DENND1B: variants seen among roughly 807,000 people sequenced by gnomAD.
DENND1B encodes DENN domain-containing protein 1B.
In DENND1B, 59 loss-of-function variants were observed where a neutral mutation model predicts 90.1. The observed-to-expected ratio is 0.65, with a 90% CI of 0.53 to 0.81. The LOEUF (loss-of-function observed/expected upper bound fraction) is 0.81. DENND1B is among the 40% of genes least tolerant of loss of function. The pLI, the probability that DENND1B is intolerant of heterozygous loss-of-function variation, is 0.00. For missense variants in DENND1B, 862 were observed against 912.6 expected, an observed-to-expected ratio of 0.94 and a Z score of 0.71; for synonymous variants, 337 against 324.6, an observed-to-expected ratio of 1.04 and a Z score of -0.41.
intron 2 of DENND1B, among the ~76,000 whole-genome samples, chr1:197,757,900 T>C (rs542390284): frequency 6.6e-6 from 1 of 152,360 alleles, no homozygotes; most frequent in African/African-American, 2.4e-5. Context: ...ACTTTTGTAA[T>C]ATTATCCTTA....
chr1:197,537,506 T>G (rs1669999323), intron 20 of DENND1B, among the ~76,000 whole-genome samples: 1 of 152,090 alleles, frequency 6.6e-6, no homozygotes, highest in Non-Finnish European at 1.5e-5. Flanking sequence ...AGGACTATAG[T>G]TAATAATATT....
In DENND1B at chr1:197,735,741, T is replaced by G. The variant is rs374768180; in HGVS notation, c.83-20667A>C. ...AGTTTTCCAGTTTCTTAATGCAAAA[T>G]GCGAATCGGCGTACTTTTCCAGGGG... On this transcript the variant is annotated intron_variant, in intron 2 of 22. Transcript: ENST00000620048. 6.8e-6 allele frequency: 11 copies of G among 1,612,830 alleles called. No homozygotes were observed. The African/African-American group carries it at 8.0e-5, about 12-fold the overall frequency.
chr1:197,690,226 GC>G (rs1441853369), intron 3 of DENND1B: 2 of 285,876 alleles, frequency 7.0e-6, no homozygotes, highest in Non-Finnish European at 1.4e-5. Context: ...ACTCGTCATG[GC>G]AATGTTGCTG....
intron 2 of DENND1B, among the ~76,000 whole-genome samples, chr1:197,738,917 C>A (rs1026673420): frequency 4.6e-5 from 7 of 152,174 alleles, no homozygotes; most frequent in Non-Finnish European, 7.4e-5. Flanking sequence ...CCAGGCAGAG[C>A]CCAGTGGTCT....
intron 21 of DENND1B, 44 bp from the exon 22 acceptor site, chr1:197,511,988 T>A: frequency 6.9e-7 from 1 of 1,452,306 alleles, no homozygotes; most frequent in East Asian, 2.3e-5. Context: ...ATAACCATAT[T>A]TGCTGCATGT....
intron 14 of DENND1B, among the ~76,000 whole-genome samples, chr1:197,588,356 G>C (rs546058986): frequency 1.4e-4 from 22 of 152,172 alleles, no homozygotes; most frequent in Non-Finnish European, 2.4e-4. Flanking sequence ...ATTGTACCGG[G>C]AGTAGAAAAC....
At chr1:197,736,715 T>A (rs969688040) in intron 2 of DENND1B, among the ~76,000 whole-genome samples, 5 of 152,208 alleles carry the variant, frequency 3.3e-5, no homozygotes, top group African/African-American at 1.2e-4. Context: ...GATAAATTTG[T>A]TACTGTAACC....
At chr1:197,661,746 AC>A (rs1329316937) in intron 5 of DENND1B, among the ~76,000 whole-genome samples, 1 of 152,016 alleles carries the variant, frequency 6.6e-6, no homozygotes, top group Non-Finnish European at 1.5e-5. Context: ...TAGACCAAAA[AC>A]CCTTAACATT....
chr1:197,773,058 A>C, intron 1 of DENND1B, 126 bp from the exon 2 acceptor site: 1 of 773,336 alleles, frequency 1.3e-6, no homozygotes, highest in South Asian at 1.5e-5. Context: ...GTATTACTAC[A>C]GTATAGTAGA....
chr1:197,571,032 T>C (rs1188203529), intron 15 of DENND1B, among the ~76,000 whole-genome samples: 1 of 151,280 alleles, frequency 6.6e-6, no homozygotes. Context: ...CTTATTTCTC[T>C]CTACTCTAAC....
chr1:197,562,565 C>T (rs543940129), intron 15 of DENND1B, among the ~76,000 whole-genome samples: 1 of 151,980 alleles, frequency 6.6e-6, no homozygotes, highest in Non-Finnish European at 1.5e-5. Context: ...GAACCACCCC[C>T]ACATAAGTCA....
At chr1:197,592,547 A>G (rs1675329379) in intron 14 of DENND1B, among the ~76,000 whole-genome samples, 1 of 152,226 alleles carries the variant, frequency 6.6e-6, no homozygotes, top group Admixed American at 6.5e-5. Flanking sequence ...TACAGCTTCC[A>G]GGATCATGAA....
At chr1:197,693,621 A>C (rs1203605998) in intron 3 of DENND1B, among the ~76,000 whole-genome samples, 1 of 151,704 alleles carries the variant, frequency 6.6e-6, no homozygotes, top group East Asian at 1.9e-4. Context: ...GCTGTCTCTT[A>C]ATATACAAAT....
chr1:197,579,772 C>T (rs1195958867), intron 15 of DENND1B, among the ~76,000 whole-genome samples: 1 of 152,128 alleles, frequency 6.6e-6, no homozygotes, highest in East Asian at 1.9e-4. Context: ...CTTAGCAAAC[C>T]TCTCTTCACT....
intron 12 of DENND1B, 79 bp from the exon 13 acceptor site, chr1:197,607,253 A>G (rs1676769148): frequency 1.1e-6 from 1 of 933,272 alleles, no homozygotes; most frequent in Non-Finnish European, 1.5e-6. Flanking sequence ...AACAGAAAAC[A>G]TTATCTTAAT....
chr1:197,607,196 G>T, intron 12 of DENND1B, 22 bp from the exon 13 acceptor site: 1 of 1,469,360 alleles, frequency 6.8e-7, no homozygotes, highest in Non-Finnish European at 9.4e-7. Flanking sequence ...ACACAATTAT[G>T]AATACAAATC....
intron 20 of DENND1B, 90 bp downstream of exon 20, chr1:197,539,874 A>G (rs1670202311): frequency 9.0e-7 from 1 of 1,112,498 alleles, no homozygotes; most frequent in Non-Finnish European, 1.3e-6. Flanking sequence ...TAAGATAAAA[A>G]ATTAGTGGAT....
intron 6 of DENND1B, among the ~76,000 whole-genome samples, chr1:197,657,113 A>G (rs1197541323): frequency 6.6e-6 from 1 of 152,220 alleles, no homozygotes; most frequent in Non-Finnish European, 1.5e-5. Context: ...CAATACTATC[A>G]AAAGAACAAA....
intron 20 of DENND1B, among the ~76,000 whole-genome samples, chr1:197,527,100 G>C (rs1669188305): frequency 6.6e-6 from 1 of 152,116 alleles, no homozygotes; most frequent in Admixed American, 6.5e-5. Flanking sequence ...ACAATATGGA[G>C]AGTGTATTTT....
Sources: gnomAD v4.1 joint callset for allele counts (sites outside exome capture counted in the v4.1 genomes callset) on GRCh38, gnomAD v4.1.1 for gene constraint, MANE v1.5 for transcripts, NCBI Gene and HGNC (gene_info 2026-07-23, HGNC 2026-07-21) for gene names.